LUC7L2: variants seen among roughly 807,000 people sequenced by gnomAD.
The protein encoded by LUC7L2 is putative RNA-binding protein Luc7-like 2.
In LUC7L2, 25 loss-of-function variants were observed where a neutral mutation model predicts 52.8. That is an observed-to-expected ratio of 0.47 (90% CI 0.34 to 0.66). The LOEUF (loss-of-function observed/expected upper bound fraction) is 0.66. LUC7L2 is among the 30% of genes least tolerant of loss of function. The pLI, the probability that LUC7L2 is intolerant of heterozygous loss-of-function variation, is 0.01. For synonymous variants in LUC7L2, 144 were observed against 160.9 expected (o/e 0.89, Z 0.80); for missense variants, 328 against 497.8 (o/e 0.66, Z 3.25).
At chr7:139,356,774 T>A (rs1250389430), upstream of LUC7L2, among the ~76,000 whole-genome samples, 5 of 152,150 alleles carry the variant, frequency 3.3e-5, no homozygotes, top group East Asian at 9.6e-4. Context: ...TGAAACTTTA[T>A]TCACAAAAAT....
At chr7:139,355,758 A>C (rs1174512338), upstream of LUC7L2, among the ~76,000 whole-genome samples, 1 of 152,226 alleles carries the variant, frequency 6.6e-6, no homozygotes, top group African/African-American at 2.4e-5. Context: ...AGTGAAAACT[A>C]TCTAATATGC....
intron 1 of LUC7L2, chr7:139,375,704 C>T (rs767947181): frequency 1.8e-5 from 15 of 824,730 alleles, no homozygotes; most frequent in Non-Finnish European, 2.2e-5. Context: ...AGTGGGTCTG[C>T]AAGTTGCTTA....
At chr7:139,388,098 C>A (rs976820981) in intron 2 of LUC7L2, among the ~76,000 whole-genome samples, 2 of 152,132 alleles carry the variant, frequency 1.3e-5, no homozygotes, top group African/African-American at 2.4e-5. Flanking sequence ...AACAATTTAG[C>A]CTCTGAACCC....
intron 2 of LUC7L2, among the ~76,000 whole-genome samples, chr7:139,377,690 C>A (rs1021999059): frequency 6.6e-6 from 1 of 152,170 alleles, no homozygotes; most frequent in South Asian, 2.1e-4. Flanking sequence ...CCGTGCCCGG[C>A]CCTAATTTTT....
chr7:139,358,015 G>A (rs1799658938), upstream of LUC7L2, among the ~76,000 whole-genome samples: 3 of 150,548 alleles, frequency 2.0e-5, no homozygotes, highest in South Asian at 6.3e-4. Flanking sequence ...GGCCCAATAC[G>A]CATTTATTTT....
At chr7:139,399,311 G>A (rs571914664) in intron 3 of LUC7L2, among the ~76,000 whole-genome samples, 13 of 151,958 alleles carry the variant, frequency 8.6e-5, no homozygotes, top group Non-Finnish European at 1.6e-4. Context: ...GTATATGGGA[G>A]GATGTGTACT....
chr7:139,382,009 C>T (rs1041264512), intron 2 of LUC7L2, among the ~76,000 whole-genome samples: 8 of 151,484 alleles, frequency 5.3e-5, no homozygotes, highest in African/African-American at 1.7e-4. Context: ...CTCAGCCTCC[C>T]GAGCAGCTGG....
At chr7:139,349,385 C>T (rs546942928) in intron 1 of LUC7L2, among the ~76,000 whole-genome samples, 1 of 151,882 alleles carries the variant, frequency 6.6e-6, no homozygotes, top group South Asian at 2.1e-4. Flanking sequence ...ATATAACCAA[C>T]CTGTACCTCC....
At chr7:139,357,830 T>TACA (rs1799651912), upstream of LUC7L2, among the ~76,000 whole-genome samples, 1 of 151,318 alleles carries the variant, frequency 6.6e-6, no homozygotes, top group African/African-American at 2.4e-5. Flanking sequence ...TAGCTGGGAC[T>TACA]ACAGGCATGC....
chr7:139,403,184 A>G lies in LUC7L2; in HGVS notation c.366+937A>G, dbSNP rs115598153. Among the ~76,000 whole-genome samples the G allele has an allele frequency of 9.8e-3, 1,493 of 152,342 alleles. 29 individuals carry two copies. The highest frequency in any genetic ancestry group is 0.033 in the African/African-American group (1,389 of 41,580). On this transcript the variant is annotated intron_variant, in intron 4 of 9. Coordinates refer to ENST00000354926, the MANE Select transcript of LUC7L2 (RefSeq NM_016019.5). ...TTTTAAAAGCAAATGTTAAATGTCA[A>G]TATTTCACCTGTAAGTTATAACCAC...
rs983037632 is a variant in LUC7L2, at chr7:139,380,714, A to G, written c.156+4558A>G. Among the ~76,000 whole-genome samples, 11 of 152,176 alleles carry G rather than the reference A, an allele frequency of 7.2e-5. No homozygotes were observed. The South Asian group carries it at 1.7e-3, about 23-fold the overall frequency. On this transcript the variant is annotated intron_variant, in intron 2 of 9. Transcript: ENST00000354926. ...GGCCCACTTTCTCCCTGCTAAACTC[A>G]CTGTAGGCAGTATGCCCTTTCAGAT...
At position 139,396,368 on chromosome 7, in the gene LUC7L2, G is replaced by A. The variant is rs942242016; in HGVS notation, c.157-2231G>A. Among the ~76,000 whole-genome samples, 3 of 152,090 alleles carry A rather than the reference G, an allele frequency of 2.0e-5. No homozygotes were observed. The South Asian group carries it at 6.2e-4, about 32-fold the overall frequency. On this transcript the variant is annotated intron_variant, in intron 2 of 9. Coordinates refer to ENST00000354926, the MANE Select transcript of LUC7L2 (RefSeq NM_016019.5). ...CTTAGGTGGGAGGATCGCTTGAGCT[G>A]GGAGGTGGAGGCTGCAGTGAGCCAT...
At chr7:139,413,744 T>C (rs1241021328) in intron 8 of LUC7L2, among the ~76,000 whole-genome samples, 1 of 152,176 alleles carries the variant, frequency 6.6e-6, no homozygotes, top group Admixed American at 6.5e-5. Flanking sequence ...TGCCACTGCA[T>C]TCCAGCTTGG....
chr7:139,378,749 A>G (rs140896466), intron 2 of LUC7L2, among the ~76,000 whole-genome samples: 107 of 152,350 alleles, frequency 7.0e-4, no homozygotes, highest in African/African-American at 2.5e-3. Context: ...CTCTGTAATT[A>G]TAAGCTATTT....
chr7:139,377,625 C>T (rs1280902670), intron 2 of LUC7L2, among the ~76,000 whole-genome samples: 3 of 152,062 alleles, frequency 2.0e-5, no homozygotes, highest in African/African-American at 7.2e-5. Context: ...AACTTCTGAC[C>T]TCGTGATCCA....
intron 3 of LUC7L2, among the ~76,000 whole-genome samples, chr7:139,401,278 ATACT>A (rs1794904229): frequency 6.6e-6 from 1 of 152,196 alleles, no homozygotes; most frequent in Non-Finnish European, 1.5e-5. Context: ...ATGTTCGGAA[ATACT>A]TACTGTTAGC....
Position 139,422,168 on chromosome 7 carries a change from CAAAAG to C in LUC7L2, c.1011_1015del (p.Glu338IlefsTer10). On this transcript the variant is annotated frameshift_variant, in exon 10 of 10. Coordinates refer to ENST00000354926, the MANE Select transcript of LUC7L2 (RefSeq NM_016019.5). LOFTEE classifies it high-confidence loss of function. ...CTCAAATTAATATTTTTCAGATCCT[CAAAAG>C]AAAGATTCAGAGACCAAGACTTAGC... 6.3e-7 allele frequency: 1 copy of C among 1,590,144 alleles called. No individual in the cohort carries two copies. The highest frequency in any genetic ancestry group is 1.4e-5 in the African/African-American group (1 of 73,442).
intron 6 of LUC7L2, 113 bp downstream of exon 6, chr7:139,407,463 A>C: frequency 2.4e-6 from 3 of 1,242,960 alleles, no homozygotes; most frequent in Non-Finnish European, 3.2e-6. Context: ...CTAATGATTA[A>C]TACTAAACAG....
chr7:139,374,351 G>A (rs753216686), intron 1 of LUC7L2: 232 of 1,395,522 alleles, frequency 1.7e-4, no homozygotes, highest in Non-Finnish European at 2.0e-4. Context: ...TGCTGGCAGA[G>A]TTTATTCTAT....
Sources: gnomAD v4.1 joint callset for allele counts (sites outside exome capture counted in the v4.1 genomes callset) on GRCh38, gnomAD v4.1.1 for gene constraint, MANE v1.5 for transcripts, NCBI Gene and HGNC (gene_info 2026-07-23, HGNC 2026-07-21) for gene names.